The following PDE4D variants were observed in gnomAD, a reference collection of about 807,000 sequenced individuals.
PDE4D encodes 3',5'-cyclic-AMP phosphodiesterase 4D.
In PDE4D, 24 loss-of-function variants were observed where a neutral mutation model predicts 87.4. The observed-to-expected ratio is 0.27, with a 90% CI of 0.20 to 0.39. PDE4D has a LOEUF of 0.39. Ranked by LOEUF, PDE4D falls within the 10% of genes least tolerant of loss-of-function variation. PDE4D has a pLI of 1.00. For missense variants in PDE4D, 714 were observed against 1,041.0 expected (o/e 0.69, Z 4.32); for synonymous variants, 384 against 383.2 (o/e 1.00, Z -0.02).
intron 1 of PDE4D, among the ~76,000 whole-genome samples, chr5:59,848,353 T>C (rs1235766694): frequency 1.3e-5 from 2 of 152,066 alleles, no homozygotes; most frequent in East Asian, 3.9e-4. Context: ...ATTGTCTTCA[T>C]AGCACTCCTG....
At chr5:59,062,634 T>G (rs1225800812) in intron 5 of PDE4D, among the ~76,000 whole-genome samples, 2 of 151,958 alleles carry the variant, frequency 1.3e-5, no homozygotes, top group East Asian at 3.9e-4. Flanking sequence ...GTATGTATAT[T>G]TGTGTGTATG....
At chr5:59,301,222 GAGA>G (rs1770184070) in intron 1 of PDE4D, among the ~76,000 whole-genome samples, 1 of 152,108 alleles carries the variant, frequency 6.6e-6, no homozygotes, top group Non-Finnish European at 1.5e-5. Context: ...GGTGAAAGGA[GAGA>G]AGGAGAAGGT....
At chr5:60,468,457 G>T (rs992476422) in intron 1 of PDE4D, among the ~76,000 whole-genome samples, 2 of 151,878 alleles carry the variant, frequency 1.3e-5, no homozygotes, top group Non-Finnish European at 2.9e-5. Context: ...AACTTTTCAA[G>T]CCCTTTCAGA....
intron 3 of PDE4D, among the ~76,000 whole-genome samples, chr5:59,899,008 C>T (rs1410894391): frequency 6.6e-6 from 1 of 152,096 alleles, no homozygotes; most frequent in East Asian, 1.9e-4. Context: ...CCAACATTTC[C>T]ACTGTTACAG....
At chr5:59,779,332 C>G (rs1764381623) in intron 1 of PDE4D, among the ~76,000 whole-genome samples, 2 of 152,164 alleles carry the variant, frequency 1.3e-5, no homozygotes, top group African/African-American at 4.8e-5. Flanking sequence ...TCAACCTTCC[C>G]CCAGGTAACT....
chr5:59,172,547 T>C (rs988139695), intron 5 of PDE4D, among the ~76,000 whole-genome samples: 1 of 149,606 alleles, frequency 6.7e-6, no homozygotes, highest in Non-Finnish European at 1.5e-5. Context: ...ATACAAAAAA[T>C]AAAATAAAAA....
At chr5:60,167,097 A>G (rs928599190) in intron 2 of PDE4D, among the ~76,000 whole-genome samples, 1 of 152,028 alleles carries the variant, frequency 6.6e-6, no homozygotes, top group African/African-American at 2.4e-5. Context: ...CTTTCTCCAG[A>G]TTTGGAAAGT....
At chr5:59,857,530 T>C (rs1274908208) in intron 1 of PDE4D, among the ~76,000 whole-genome samples, 1 of 152,172 alleles carries the variant, frequency 6.6e-6, no homozygotes, top group Non-Finnish European at 1.5e-5. Context: ...AAATAAATTA[T>C]GACTAAAACC....
intron 3 of PDE4D, among the ~76,000 whole-genome samples, chr5:59,923,362 A>C (rs1017697999): frequency 6.6e-6 from 1 of 152,168 alleles, no homozygotes; most frequent in Non-Finnish European, 1.5e-5. Context: ...TTGAGCAAAC[A>C]TATGCAGTAG....
chr5:60,497,867 CTATTGCCAGGAAAACTTTGGCAACA>C (rs1478259138), intron 1 of PDE4D, among the ~76,000 whole-genome samples: 2 of 152,152 alleles, frequency 1.3e-5, no homozygotes, highest in Non-Finnish European at 2.9e-5. Context: ...AGACTTTGAT[CTATTGCCAGGAAAACTTTGGCAACA>C]TATTGCCAGG....
At chr5:59,303,703 T>C (rs1360835903) in intron 1 of PDE4D, among the ~76,000 whole-genome samples, 2 of 152,162 alleles carry the variant, frequency 1.3e-5, no homozygotes, top group African/African-American at 4.8e-5. Context: ...TGGCTGTAAG[T>C]ATTTGGGTTT....
intron 1 of PDE4D, among the ~76,000 whole-genome samples, chr5:60,225,168 A>C (rs1447554058): frequency 1.3e-5 from 2 of 151,958 alleles, no homozygotes; most frequent in East Asian, 1.9e-4. Flanking sequence ...AGGGACCAAC[A>C]TCTGCATTTA....
chr5:60,122,602 C>A (rs981405453), intron 2 of PDE4D, among the ~76,000 whole-genome samples: 1 of 152,210 alleles, frequency 6.6e-6, no homozygotes, highest in Non-Finnish European at 1.5e-5. Flanking sequence ...CTAGACTGCA[C>A]ACAGCACGGG....
chr5:59,476,560 C>T (rs1465682618), intron 1 of PDE4D, among the ~76,000 whole-genome samples: 1 of 152,020 alleles, frequency 6.6e-6, no homozygotes, highest in Non-Finnish European at 1.5e-5. Flanking sequence ...AATTTACTCC[C>T]ACTGTAATTA....
intron 1 of PDE4D, among the ~76,000 whole-genome samples, chr5:59,553,412 G>GT (rs1347932537): frequency 6.6e-6 from 1 of 152,124 alleles, no homozygotes; most frequent in Non-Finnish European, 1.5e-5. Context: ...CTCTGAGATG[G>GT]TTTTCCCTAA....
chr5:59,862,975 T>G (rs1008984815), intron 1 of PDE4D, among the ~76,000 whole-genome samples: 3 of 152,224 alleles, frequency 2.0e-5, no homozygotes, highest in African/African-American at 7.2e-5. Context: ...TATTATTGTT[T>G]TAATTATAAA....
At chr5:60,010,367 T>C (rs1376686010) in intron 2 of PDE4D, among the ~76,000 whole-genome samples, 3 of 152,182 alleles carry the variant, frequency 2.0e-5, no homozygotes, top group East Asian at 3.8e-4. Context: ...AACATGTTTC[T>C]CTAATGCAAA....
chr5:59,397,481 C>A (rs564143126), intron 1 of PDE4D, among the ~76,000 whole-genome samples: 1 of 117,614 alleles, frequency 8.5e-6, no homozygotes, highest in South Asian at 2.9e-4. Context: ...TGAATGACTA[C>A]TGGGTACATA....
intron 1 of PDE4D, among the ~76,000 whole-genome samples, chr5:59,574,043 TATATATTTATATATAAAA>T (rs1822414233): frequency 9.5e-6 from 1 of 105,432 alleles, no homozygotes; most frequent in African/African-American, 4.0e-5. Context: ...TATATATTTA[TATATATTTATATATAAAA>T]ATATATATAT....
Sources: allele counts gnomAD v4.1 joint callset (sites outside exome capture counted in the v4.1 genomes callset), GRCh38; gene constraint gnomAD v4.1.1; transcripts MANE v1.5; gene names NCBI Gene and HGNC (gene_info 2026-07-23, HGNC 2026-07-21).